The following CHMP4C variants were observed in gnomAD, a reference collection of about 807,000 sequenced individuals.
The protein encoded by CHMP4C is charged multivesicular body protein 4C.
CHMP4C carries 28 observed loss-of-function variants against 29.0 expected under a neutral mutation model. The ratio of observed to expected loss-of-function variants is 0.97; its 90% confidence interval spans 0.72 to 1.32. The LOEUF is 1.32. CHMP4C is among the 40% of genes most tolerant of loss of function. CHMP4C has a pLI of 0.00. For synonymous variants in CHMP4C, 106 were observed against 102.4 expected, an observed-to-expected ratio of 1.04 and a Z score of -0.21; for missense variants, 291 against 281.0, an observed-to-expected ratio of 1.04 and a Z score of -0.25.
Position 81,755,485 on chromosome 8 carries a change from G to T in CHMP4C, c.483+1G>T, listed in dbSNP as rs1192015768. 10 of 1,577,808 alleles carry T rather than the reference G, an allele frequency of 6.3e-6. No homozygotes were observed. The highest frequency in any genetic ancestry group is 8.7e-6 in the Non-Finnish European group (10 of 1,147,894). ...TGGCTTTGGTGATGACTTTGATGAG[G>T]TACGTAACCCAATATGAAGAATGCA... is the stretch of plus-strand genomic sequence containing the variant. On this transcript the variant is annotated splice_donor_variant, in intron 3 of 4. Transcript: ENST00000297265. LOFTEE classifies it high-confidence loss of function.
At chr8:81,749,074 T>C (rs1396974211) in intron 1 of CHMP4C, among the ~76,000 whole-genome samples, 3 of 152,184 alleles carry the variant, frequency 2.0e-5, no homozygotes, top group Non-Finnish European at 4.4e-5. Context: ...TCACGCAGCC[T>C]GATATAATCA....
At chr8:81,752,436 G>A (rs1808915161) in intron 1 of CHMP4C, among the ~76,000 whole-genome samples, 1 of 152,094 alleles carries the variant, frequency 6.6e-6, no homozygotes, top group Admixed American at 6.6e-5. Flanking sequence ...TTCTCTGAAG[G>A]CCCTGCTCTT....
intron 1 of CHMP4C, among the ~76,000 whole-genome samples, chr8:81,751,563 A>T (rs7464687): frequency 0.79 from 119,716 of 151,990 alleles, 47,248 homozygotes; most frequent in East Asian, 0.88. Context: ...ATTAAGAGAA[A>T]AAATTCAGTA....
intron 1 of CHMP4C, among the ~76,000 whole-genome samples, chr8:81,748,027 C>T (rs894119925): frequency 6.8e-5 from 10 of 147,156 alleles, no homozygotes; most frequent in Non-Finnish European, 1.1e-4. Context: ...AAGACAGGTA[C>T]GCCCCGGGGC....
intron 1 of CHMP4C, 112 bp from the exon 2 acceptor site, chr8:81,752,952 C>T: frequency 2.5e-6 from 2 of 786,648 alleles, no homozygotes; most frequent in Non-Finnish European, 3.8e-6. Context: ...TTTTGGTATA[C>T]TCGTTGTCCT....
At chr8:81,740,652 GC>G in intron 1 of CHMP4C, among the ~76,000 whole-genome samples, 1 of 152,244 alleles carries the variant, frequency 6.6e-6, no homozygotes, top group South Asian at 2.1e-4. Flanking sequence ...TATTTCTCCA[GC>G]TTTTTCTCTT....
chr8:81,741,195 G>A (rs147408942), intron 1 of CHMP4C, among the ~76,000 whole-genome samples: 4 of 152,038 alleles, frequency 2.6e-5, no homozygotes, highest in African/African-American at 9.6e-5. Flanking sequence ...GAGCAGTATT[G>A]TAAATATTTG....
At position 81,749,852 on chromosome 8, in the gene CHMP4C, G is replaced by T. The variant is rs10113683; in HGVS notation, c.191-3212G>T. Among the ~76,000 whole-genome samples the T allele has an allele frequency of 6.7e-3, 1,013 of 152,280 alleles. 10 individuals carry two copies. Among genetic ancestry groups the T allele is most frequent in the African/African-American group, 0.023 (951 of 41,570 alleles). On this transcript the variant is annotated intron_variant, in intron 1 of 4. Coordinates refer to ENST00000297265, the MANE Select transcript of CHMP4C (RefSeq NM_152284.4). ...TGAGTTGGTCTCAGATGGAGATGAG[G>T]AACTTGTTGGATATTGGAGTAAAGG...
At chr8:81,746,392 C>T (rs1172201759) in intron 1 of CHMP4C, among the ~76,000 whole-genome samples, 1 of 152,202 alleles carries the variant, frequency 6.6e-6, no homozygotes, top group Non-Finnish European at 1.5e-5. Context: ...GTGCTGCTTC[C>T]ATTAGATCAG....
At chr8:81,734,422 C>A (rs1808659172) in intron 1 of CHMP4C, among the ~76,000 whole-genome samples, 1 of 152,180 alleles carries the variant, frequency 6.6e-6, no homozygotes, top group African/African-American at 2.4e-5. Flanking sequence ...CCTCTGCCGC[C>A]CAGGTTCAAG....
chr8:81,743,188 C>T (rs944436915), intron 1 of CHMP4C, among the ~76,000 whole-genome samples: 1 of 151,686 alleles, frequency 6.6e-6, no homozygotes. Context: ...TGATATATTG[C>T]TGCATAAGAT....
At chr8:81,734,133 T>C (rs1346808468) in intron 1 of CHMP4C, among the ~76,000 whole-genome samples, 2 of 152,222 alleles carry the variant, frequency 1.3e-5, no homozygotes, top group Non-Finnish European at 2.9e-5. Flanking sequence ...AGTTATGCAA[T>C]GGCAATTTCT....
At chr8:81,739,355 T>C (rs913121863) in intron 1 of CHMP4C, among the ~76,000 whole-genome samples, 2 of 145,324 alleles carry the variant, frequency 1.4e-5, no homozygotes, top group Admixed American at 7.0e-5. Flanking sequence ...TACATTTCTT[T>C]GTGTGCCTTT....
chr8:81,732,709 G>T lies in CHMP4C; in HGVS notation c.83G>T (p.Arg28Leu). Residue 28 changes from arginine to leucine, a missense_variant, in exon 1 of 5, where the codon CGA (arginine) becomes CTA (leucine). Arg to Leu is a moderately radical substitution (Grantham distance 102). Coordinates refer to ENST00000297265, the MANE Select transcript of CHMP4C (RefSeq NM_152284.4). Reference protein sequence around the residue: ...AAPSPQEALVRLRETEEMLGK... With the variant: ...AAPSPQEALVLLRETEEMLGK... ...CCCAGTCCCCAGGAGGCCCTGGTCC[G>T]ACTTCGGGAGACTGAGGAGATGCTG... 1 of 1,598,606 alleles carries T rather than the reference G, an allele frequency of 6.3e-7. No individual in the cohort carries two copies. Among genetic ancestry groups the T allele is most frequent in the East Asian group, 2.3e-5 (1 of 44,418 alleles).
At chr8:81,732,841 C>T in intron 1 of CHMP4C, 25 bp downstream of exon 1, 1 of 1,598,960 alleles carries the variant, frequency 6.3e-7, no homozygotes, top group Non-Finnish European at 8.5e-7. Context: ...GGCCCACAGG[C>T]GGGAGCCCAT....
intron 2 of CHMP4C, among the ~76,000 whole-genome samples, chr8:81,753,649 C>A (rs996856143): frequency 2.0e-5 from 3 of 152,086 alleles, no homozygotes; most frequent in African/African-American, 4.8e-5. Flanking sequence ...CTTGAACTTG[C>A]AAAGTGTTTG....
At chr8:81,744,395 A>G (rs1013180267) in intron 1 of CHMP4C, among the ~76,000 whole-genome samples, 12 of 152,158 alleles carry the variant, frequency 7.9e-5, no homozygotes, top group Admixed American at 6.5e-4. Flanking sequence ...TTATTTATCA[A>G]TGTGTTGAGT....
At chr8:81,737,750 G>A (rs184604343) in intron 1 of CHMP4C, among the ~76,000 whole-genome samples, 3 of 152,168 alleles carry the variant, frequency 2.0e-5, no homozygotes, top group African/African-American at 2.4e-5. Context: ...ATAAATCCTC[G>A]GAGTTGTGGG....
chr8:81,738,250 G>T (rs1303111088), intron 1 of CHMP4C, among the ~76,000 whole-genome samples: 2 of 152,212 alleles, frequency 1.3e-5, no homozygotes, highest in African/African-American at 2.4e-5. Context: ...AGGATTAAGG[G>T]TTGAGATGGA....
Sources: allele counts gnomAD v4.1 joint callset (sites outside exome capture counted in the v4.1 genomes callset), GRCh38; gene constraint gnomAD v4.1.1; transcripts MANE v1.5; gene names NCBI Gene and HGNC (gene_info 2026-07-23, HGNC 2026-07-21).